The following SRGN variants were observed in gnomAD, a reference collection of about 807,000 sequenced individuals.
SRGN encodes serglycin.
In SRGN, 2 loss-of-function variants were observed where a neutral mutation model predicts 9.5. The ratio of observed to expected loss-of-function variants is 0.21; its 90% CI spans 0.09 to 0.66. The LOEUF is 0.66. Ranked by LOEUF, SRGN falls within the 30% of genes least tolerant of loss-of-function variation. The pLI, the probability that SRGN is intolerant of heterozygous loss-of-function variation, is 0.83. For synonymous variants in SRGN, 59 were observed against 72.3 expected (o/e 0.82, Z 0.93); for missense variants, 170 against 192.4 (o/e 0.88, Z 0.69).
intron 1 of SRGN, among the ~76,000 whole-genome samples, chr10:69,089,757 A>G (rs1011262685): frequency 2.0e-5 from 3 of 152,128 alleles, no homozygotes; most frequent in East Asian, 1.9e-4. Flanking sequence ...TTAGCCGGGC[A>G]TGGTGGCACA....
At chr10:69,097,575 C>T (rs377202703) in intron 2 of SRGN, among the ~76,000 whole-genome samples, 2 of 151,940 alleles carry the variant, frequency 1.3e-5, no homozygotes, top group South Asian at 2.1e-4. Context: ...TACAGGCACC[C>T]GCCACCACGC....
In SRGN at chr10:69,094,120, G is replaced by A. The variant is rs554747222; in HGVS notation, c.80-2964G>A. 5.9e-5 allele frequency among the ~76,000 whole-genome samples: 9 copies of A among 152,246 alleles called. No homozygotes were observed. The East Asian group carries it at 1.2e-3, about 20-fold the overall frequency. The stretch of plus-strand genomic sequence containing the variant: ...TCTATTACTGCCCCATCCTACAGAT[G>A]AGAAAATTGAGGCACAGGAAGTTTA... On this transcript the variant is annotated intron_variant, in intron 1 of 2. Coordinates refer to ENST00000242465, the MANE Select transcript of SRGN (RefSeq NM_002727.4).
intron 1 of SRGN, among the ~76,000 whole-genome samples, chr10:69,096,785 GGGCACAT>G (rs1332644497): frequency 1.3e-5 from 2 of 152,038 alleles, no homozygotes; most frequent in Non-Finnish European, 2.9e-5. Context: ...AGACCAGCCT[GGGCACAT>G]AGTGAGACCC....
Position 69,088,117 on chromosome 10 carries a change from A to G in SRGN, c.-41A>G. 1.3e-6 allele frequency: 2 copies of G among 1,570,738 alleles called. No individual in the cohort carries two copies. Among genetic ancestry groups the G allele is most frequent in the Middle Eastern group, 1.7e-4 (1 of 5,974 alleles). The stretch of plus-strand genomic sequence containing the variant: ...AGCACCCTGCTACATTTCCTAATCA[A>G]GAAGTTGGCGTGCAGCTGGGAGAGC... On this transcript the variant is annotated 5_prime_UTR_variant, in exon 1 of 3. Transcript: ENST00000242465.
At chr10:69,095,286 C>A (rs1191767790) in intron 1 of SRGN, among the ~76,000 whole-genome samples, 4 of 138,266 alleles carry the variant, frequency 2.9e-5, no homozygotes, top group African/African-American at 1.1e-4. Context: ...CCAGCCAGGG[C>A]AACAGAGCGA....
At chr10:69,090,757 A>G (rs544733229) in intron 1 of SRGN, among the ~76,000 whole-genome samples, 2 of 152,198 alleles carry the variant, frequency 1.3e-5, no homozygotes, top group South Asian at 2.1e-4. Context: ...AAACCCAAGT[A>G]AAGATGTGGG....
At chr10:69,088,308 C>T in intron 1 of SRGN, 72 bp downstream of exon 1, 1 of 1,252,588 alleles carries the variant, frequency 8.0e-7, no homozygotes, top group East Asian at 2.3e-5. Context: ...TCATTATATT[C>T]ATTTTAAGGC....
chr10:69,087,921 G>A (rs532907573), upstream of SRGN, among the ~76,000 whole-genome samples: 2 of 152,174 alleles, frequency 1.3e-5, no homozygotes, highest in East Asian at 3.9e-4. Context: ...GCAGGCCTGG[G>A]GGGAGTCCAG....
intron 1 of SRGN, among the ~76,000 whole-genome samples, chr10:69,091,337 C>G (rs963566777): frequency 1.2e-4 from 19 of 152,138 alleles, no homozygotes; most frequent in Non-Finnish European, 2.9e-5. Context: ...TTGACCGTAG[C>G]CCTTGCTATA....
chr10:69,088,085 G>A (rs535082724), upstream of SRGN: 196 of 1,313,066 alleles, frequency 1.5e-4, 2 homozygotes, highest in South Asian at 2.2e-3. Flanking sequence ...TTCTAAAAGG[G>A]ACAGAGAGCA....
intron 1 of SRGN, among the ~76,000 whole-genome samples, chr10:69,088,979 ATT>A (rs1300291813): frequency 3.9e-5 from 6 of 152,338 alleles, no homozygotes; most frequent in African/African-American, 1.4e-4. Flanking sequence ...ACAATTTGTT[ATT>A]CTTTGGCAAA....
At chr10:69,093,461 G>A (rs552393024) in intron 1 of SRGN, among the ~76,000 whole-genome samples, 25 of 152,264 alleles carry the variant, frequency 1.6e-4, no homozygotes, top group African/African-American at 5.8e-4. Flanking sequence ...GACAGTACAA[G>A]GTGTGAAGAC....
chr10:69,092,443 A>G (rs1840083248), intron 1 of SRGN, among the ~76,000 whole-genome samples: 1 of 152,158 alleles, frequency 6.6e-6, no homozygotes, highest in Non-Finnish European at 1.5e-5. Flanking sequence ...AAATTTTAAA[A>G]TAGCTTTGTT....
At chr10:69,099,560 C>T (rs1840248875) in intron 2 of SRGN, among the ~76,000 whole-genome samples, 1 of 152,090 alleles carries the variant, frequency 6.6e-6, no homozygotes, top group Admixed American at 6.6e-5. Flanking sequence ...CCACCTCAGC[C>T]TCCCAAAGTG....
chr10:69,091,534 G>A (rs1010850472), intron 1 of SRGN, among the ~76,000 whole-genome samples: 7 of 152,022 alleles, frequency 4.6e-5, no homozygotes, highest in Admixed American at 3.9e-4. Context: ...CCCCTTCATG[G>A]TAGTTGCTGC....
intron 2 of SRGN, among the ~76,000 whole-genome samples, chr10:69,097,898 A>G (rs1322223010): frequency 6.6e-6 from 1 of 152,014 alleles, no homozygotes; most frequent in African/African-American, 2.4e-5. Flanking sequence ...TAATTTCACA[A>G]CCTCTTGGCA....
intron 2 of SRGN, chr10:69,098,550 G>T (rs1840225789): frequency 6.6e-6 from 1 of 152,220 alleles, no homozygotes; most frequent in Non-Finnish European, 1.5e-5. Context: ...GCCGAGGCGG[G>T]AGGATTGTTT....
Position 69,088,195 on chromosome 10 carries a change from T to C in SRGN, c.38T>C (p.Leu13Pro). The C allele has an allele frequency of 6.2e-7, 1 of 1,614,234 alleles. No homozygotes were observed. Among genetic ancestry groups the C allele is most frequent in the East Asian group, 2.2e-5 (1 of 44,896 alleles). Residue 13 changes from leucine (L) to proline (P), a missense_variant, in exon 1 of 3, where the codon CTG (leucine) becomes CCG (proline). Coordinates refer to ENST00000242465, the MANE Select transcript of SRGN (RefSeq NM_002727.4). ...QKLLKCSRLV[L>P]ALALILVLES... is the part of the protein sequence containing the mutation. ...CTACTCAAATGCAGTCGGCTTGTCC[T>C]GGCTCTTGCCCTCATCCTGGTTCTG...
intron 1 of SRGN, among the ~76,000 whole-genome samples, chr10:69,096,801 C>A (rs79313601): frequency 6.6e-6 from 1 of 151,868 alleles, no homozygotes; most frequent in South Asian, 2.1e-4. Flanking sequence ...ATAGTGAGAC[C>A]CCCATCTCTC....
Sources: allele counts gnomAD v4.1 joint callset (sites outside exome capture counted in the v4.1 genomes callset), GRCh38; gene constraint gnomAD v4.1.1; transcripts MANE v1.5; gene names NCBI Gene and HGNC (gene_info 2026-07-23, HGNC 2026-07-21).